The following ONECUT3 variants were observed in gnomAD, a reference collection of about 807,000 sequenced individuals.
ONECUT3 encodes one cut domain family member 3.
In ONECUT3, 11 loss-of-function variants were observed where a neutral mutation model predicts 16.8. That is an observed-to-expected ratio of 0.66 (90% CI 0.41 to 1.09). The LOEUF (loss-of-function observed/expected upper bound fraction) is 1.09, where lower values mean the gene tolerates loss of function less well. Among genes scored for constraint, ONECUT3 ranks in the 50% least tolerant of loss-of-function variants. The pLI, the probability that ONECUT3 is intolerant of heterozygous loss-of-function variation, is 0.00. For synonymous variants in ONECUT3, 344 were observed against 310.7 expected (o/e 1.11, Z -1.13); for missense variants, 637 against 629.9 (o/e 1.01, Z -0.12).
intron 1 of ONECUT3, among the ~76,000 whole-genome samples, chr19:1,760,740 C>T (rs1231587801): frequency 6.6e-6 from 1 of 152,070 alleles, no homozygotes; most frequent in African/African-American, 2.4e-5. Context: ...CCCAGCAGAC[C>T]TCCCCCTCCC....
At chr19:1,760,176 G>T (rs1168901073) in intron 1 of ONECUT3, among the ~76,000 whole-genome samples, 4 of 152,228 alleles carry the variant, frequency 2.6e-5, no homozygotes, top group Admixed American at 2.6e-4. Context: ...CGAAGAGAAA[G>T]GCGCTTGCCA....
intron 1 of ONECUT3, among the ~76,000 whole-genome samples, chr19:1,761,140 C>T (rs1045976837): frequency 6.6e-6 from 1 of 150,776 alleles, no homozygotes; most frequent in South Asian, 2.1e-4. Context: ...GCAACCTCTG[C>T]CTCCCAGGTT....
At chr19:1,757,367 C>T (rs932565913) in intron 1 of ONECUT3, among the ~76,000 whole-genome samples, 7 of 152,246 alleles carry the variant, frequency 4.6e-5, no homozygotes, top group Non-Finnish European at 1.0e-4. Flanking sequence ...CAAACAGTCT[C>T]AGCTCTGGGA....
Position 1,778,079 on chromosome 19 carries a change from G to A in ONECUT3, c.*2634G>A, listed in dbSNP as rs2068127189. 1.3e-5 allele frequency: 2 copies of A among 151,026 alleles called. No homozygotes were observed. Among genetic ancestry groups the A allele is most frequent in the African/African-American group, 4.9e-5 (2 of 40,944 alleles). 9.4% of individuals were successfully genotyped at this position (151,026 alleles called of 1,614,324 possible). Reference sequence around the variant, plus strand: ...CCATATTATTTGTCTTTATACCAAGGTAGCCTATAGATATACAATGTTTTA... The same window carrying A: ...CCATATTATTTGTCTTTATACCAAGATAGCCTATAGATATACAATGTTTTA... On this transcript the variant is annotated 3_prime_UTR_variant, in exon 2 of 2. Coordinates refer to ENST00000382349, the MANE Select transcript of ONECUT3 (RefSeq NM_001080488.2).
rs1480728685 is a variant in ONECUT3 at position 1,775,385 on chromosome 19, G to A, written c.1425G>A (p.Glu475=). ...ARRRCMNRWA[E]EPSTAPGGPA... Reference sequence around the variant, plus strand: ...GCCGCTGCATGAACCGCTGGGCTGAGGAGCCCAGCACGGCCCCCGGGGGCC... The same window carrying A: ...GCCGCTGCATGAACCGCTGGGCTGAAGAGCCCAGCACGGCCCCCGGGGGCC... The change falls in exon 2 of 2, where the codon GAG becomes GAA. Residue 475 remains glutamate, a synonymous_variant. Coordinates refer to ENST00000382349, the MANE Select transcript of ONECUT3 (RefSeq NM_001080488.2). The A allele has an allele frequency of 1.3e-6, 2 of 1,538,088 alleles. No individual in the cohort carries two copies. Among genetic ancestry groups the A allele is most frequent in the South Asian group, 2.4e-5 (2 of 81,974 alleles).
Position 1,776,482 on chromosome 19 carries a change from G to A in ONECUT3, c.*1037G>A, listed in dbSNP as rs367894628. Reference sequence around the variant, plus strand: ...GTCAGGGTCTGAACTGGGCTTGCAGGGGGGCAGCGGGGTTGAACGTGGTGT... The same window carrying A: ...GTCAGGGTCTGAACTGGGCTTGCAGAGGGGCAGCGGGGTTGAACGTGGTGT... On this transcript the variant is annotated 3_prime_UTR_variant, in exon 2 of 2. Transcript: ENST00000382349. The surrounding 1 kb of genome is among the most constrained non-coding windows in gnomAD (Gnocchi z 4.9). 10 of 147,660 alleles carry A rather than the reference G, an allele frequency of 6.8e-5. No individual in the cohort carries two copies. Among genetic ancestry groups the A allele is most frequent in the African/African-American group, 2.4e-4 (9 of 37,104 alleles). 9.1% of individuals were successfully genotyped at this position (147,660 alleles called of 1,614,324 possible).
At chr19:1,773,995 C>G (rs1446416151) in intron 1 of ONECUT3, among the ~76,000 whole-genome samples, 1 of 152,224 alleles carries the variant, frequency 6.6e-6, no homozygotes, top group Non-Finnish European at 1.5e-5. Context: ...TCCTTCAGCC[C>G]TCTCCGTGAT....
chr19:1,754,067 G>A lies in ONECUT3; in HGVS notation c.405G>A (p.Gly135=). ...HQHAAAAAVA[G]AHGGHPHAHP... ...ACGCGGCGGCCGCGGCCGTGGCCGG[G>A]GCGCACGGCGGCCATCCCCACGCGC... Residue 135 remains glycine, a synonymous_variant, in exon 1 of 2, where the codon GGG becomes GGA. Coordinates refer to ENST00000382349, the MANE Select transcript of ONECUT3 (RefSeq NM_001080488.2). This position sits in a 1 kb window ranked among gnomAD's most constrained non-coding sequence, Gnocchi z 7.4. The A allele has an allele frequency of 2.5e-5, 25 of 997,138 alleles. No homozygotes were observed. In the South Asian group the frequency reaches 6.7e-4, roughly 27 times the overall value. The allele number at this position is 997,138 out of a possible 1,614,324, so 61.8% of individuals were successfully genotyped here. A position where few individuals can be genotyped will look rare whatever the true frequency, so the allele number is the denominator to read the frequency against.
At chr19:1,763,522 G>GTT (rs1350251482) in intron 1 of ONECUT3, among the ~76,000 whole-genome samples, 3 of 151,854 alleles carry the variant, frequency 2.0e-5, no homozygotes, top group African/African-American at 7.3e-5. Context: ...TTCCAGCCTG[G>GTT]GCAACACAGG....
At chr19:1,769,053 AGTTGCTGG>A in intron 1 of ONECUT3, among the ~76,000 whole-genome samples, 1 of 54,890 alleles carries the variant, frequency 1.8e-5, no homozygotes, top group African/African-American at 8.9e-5. Context: ...GAGGTGGTGG[AGTTGCTGG>A]AGGTGGAGGT....
chr19:1,775,147 C>A lies in ONECUT3; in HGVS notation c.1193-6C>A. 3 of 1,432,046 alleles carry A rather than the reference C, an allele frequency of 2.1e-6. No homozygotes were observed. Among genetic ancestry groups the A allele is most frequent in the Non-Finnish European group, 9.3e-7 (1 of 1,073,116 alleles). 88.7% of individuals were successfully genotyped at this position (1,432,046 alleles called of 1,614,324 possible). A position where few individuals can be genotyped will look rare whatever the true frequency, so the allele number is the denominator to read the frequency against. Reference sequence around the variant, plus strand: ...GCTCGCCCGCCCGCCCGCCGCTCGCCCGCAGCCTGCAAGCGCAAGGAACAG... The same window carrying A: ...GCTCGCCCGCCCGCCCGCCGCTCGCACGCAGCCTGCAAGCGCAAGGAACAG... On this transcript the variant is annotated splice_region_variant and splice_polypyrimidine_tract_variant and intron_variant, in intron 1 of 1. Transcript: ENST00000382349.
At chr19:1,773,225 C>T (rs969300132) in intron 1 of ONECUT3, among the ~76,000 whole-genome samples, 3 of 151,268 alleles carry the variant, frequency 2.0e-5, no homozygotes, top group African/African-American at 7.3e-5. Flanking sequence ...ATTCCTCCCC[C>T]ACCAAACCAT....
chr19:1,766,554 CAG>C lies in ONECUT3; in HGVS notation c.1193-8594_1193-8593del, dbSNP rs1660470661. Among the ~76,000 whole-genome samples the C allele has an allele frequency of 1.4e-5, 2 of 142,284 alleles. No homozygotes were observed. The highest frequency in any genetic ancestry group is 2.2e-4 in the South Asian group (1 of 4,630). 93.3% of individuals were successfully genotyped at this position (142,284 alleles called of 152,430 possible). A position where few individuals can be genotyped will look rare whatever the true frequency, so the allele number is the denominator to read the frequency against. ...AAGGAAAGGGAGGAAAAGAAAAGAG[CAG>C]AGAGGGGAGAGGGAGGGAGGGTGAG... On this transcript the variant is annotated intron_variant, in intron 1 of 1. Coordinates refer to ENST00000382349, the MANE Select transcript of ONECUT3 (RefSeq NM_001080488.2). The surrounding 1 kb of genome is among the most constrained non-coding windows in gnomAD (Gnocchi z 4.0).
Position 1,775,523 on chromosome 19 carries a change from G to C in ONECUT3, c.*78G>C. ...CACGTCACCTCCCCACATCCTGCCG[G>C]CCCGGAGACCCGCCCCCAGGGGGCA... On this transcript the variant is annotated 3_prime_UTR_variant, in exon 2 of 2. Coordinates refer to ENST00000382349, the MANE Select transcript of ONECUT3 (RefSeq NM_001080488.2). 2.9e-6 allele frequency: 4 copies of C among 1,377,306 alleles called. No homozygotes were observed. The highest frequency in any genetic ancestry group is 1.6e-5 in the South Asian group (1 of 61,624). The allele number at this position is 1,377,306 out of a possible 1,614,324, so 85.3% of individuals were successfully genotyped here.
chr19:1,761,627 C>T (rs575518730), intron 1 of ONECUT3, among the ~76,000 whole-genome samples: 9 of 152,284 alleles, frequency 5.9e-5, no homozygotes, highest in Non-Finnish European at 1.2e-4. Context: ...GCAGGTAGCC[C>T]GGCTTACCCG....
chr19:1,754,330 C>G lies in ONECUT3; in HGVS notation c.668C>G (p.Pro223Arg), dbSNP rs1424603177. The part of the protein sequence containing the change: ...APQPPPPPPP[P>R]PLAAYGPPGH... ...CAGCCCCCGCCGCCGCCACCACCCC[C>G]GCCGCTGGCCGCCTACGGCCCGCCA... is the stretch of plus-strand genomic sequence containing the variant. The change falls in exon 1 of 2, where the codon CCG becomes CGG. Residue 223 changes from proline to arginine, a missense_variant. Around this residue, in one of 3 missense-constraint regions of ONECUT3, gnomAD observed 419 missense variants for 377.9 expected, o/e 1.11. Coordinates refer to ENST00000382349, the MANE Select transcript of ONECUT3 (RefSeq NM_001080488.2). This position sits in a 1 kb window ranked among gnomAD's most constrained non-coding sequence, Gnocchi z 7.4. 9.4e-7 allele frequency: 1 copy of G among 1,060,684 alleles called. No homozygotes were observed. Among genetic ancestry groups the G allele is most frequent in the Non-Finnish European group, 1.1e-6 (1 of 882,012 alleles). The allele number at this position is 1,060,684 out of a possible 1,614,324, so 65.7% of individuals were successfully genotyped here. A position where few individuals can be genotyped will look rare whatever the true frequency, so the allele number is the denominator to read the frequency against.
In ONECUT3 at chr19:1,778,922, G is replaced by C. The variant is rs1192651302; in HGVS notation, c.*3477G>C. ...CACACACACACACACACCCCTACCT[G>C]TTTCCGGACCCCACCCCAAACTTGG... On this transcript the variant is annotated 3_prime_UTR_variant, in exon 2 of 2. Coordinates refer to ENST00000382349, the MANE Select transcript of ONECUT3 (RefSeq NM_001080488.2). The C allele has an allele frequency of 7.7e-6, 1 of 130,362 alleles. No homozygotes were observed. The highest frequency in any genetic ancestry group is 1.7e-5 in the Non-Finnish European group (1 of 59,720). The allele number at this position is 130,362 out of a possible 1,614,324, so 8.1% of individuals were successfully genotyped here.
At chr19:1,760,193 C>T (rs771420567) in intron 1 of ONECUT3, among the ~76,000 whole-genome samples, 2 of 152,210 alleles carry the variant, frequency 1.3e-5, no homozygotes, top group Non-Finnish European at 2.9e-5. Flanking sequence ...GCCAGAGCCC[C>T]GCACTGCTTC....
rs201101328 is a variant in ONECUT3 at position 1,763,366 on chromosome 19, CAAAAAAAAAAAA to C, written c.1192+8531_1192+8542del. Among the ~76,000 whole-genome samples, 203 of 36,852 alleles carry C rather than the reference CAAAAAAAAAAAA, an allele frequency of 5.5e-3. 5 individuals are homozygous for C. Among genetic ancestry groups the C allele is most frequent in the South Asian group, 0.018 (14 of 782 alleles). 24.2% of individuals were successfully genotyped at this position (36,852 alleles called of 152,430 possible). A position where few individuals can be genotyped will look rare whatever the true frequency, so the allele number is the denominator to read the frequency against. Reference sequence around the variant, plus strand: ...TGGGTGACAGAGTGAGACTCCATCTCAAAAAAAAAAAAAAAAAAAAAAAAAAAAAATTAGCCA... The same window carrying C: ...TGGGTGACAGAGTGAGACTCCATCTCAAAAAAAAAAAAAAAAAATTAGCCA... On this transcript the variant is annotated intron_variant, in intron 1 of 1. Transcript: ENST00000382349.
Sources: gnomAD v4.1 joint callset for allele counts (sites outside exome capture counted in the v4.1 genomes callset) on GRCh38, gnomAD v4.1.1 for gene constraint, gnomAD v4.1.1 regional missense constraint, Gnocchi (gnomAD v3.1) non-coding constraint, MANE v1.5 for transcripts, NCBI Gene and HGNC (gene_info 2026-07-23, HGNC 2026-07-21) for gene names.